Variants in MDFIC2 observed in about 807,000 individuals in gnomAD.
MDFIC2 encodes myoD family inhibitor domain-containing protein 2.
At chr3:70,255,271 A>G (rs1354777228) in intron 2 of MDFIC2, among the ~76,000 whole-genome samples, 1 of 152,220 alleles carries the variant, frequency 6.6e-6, no homozygotes, top group East Asian at 1.9e-4. Context: ...AAATTTTTGT[A>G]AAACAAAACT....
intron 2 of MDFIC2, among the ~76,000 whole-genome samples, chr3:70,251,673 C>T (rs1231099783): frequency 3.9e-5 from 6 of 152,064 alleles, no homozygotes; most frequent in African/African-American, 1.2e-4. Context: ...ATAATATTGC[C>T]ATTACTTTTA....
At chr3:70,259,563 C>G (rs1433322662) in intron 2 of MDFIC2, among the ~76,000 whole-genome samples, 1 of 152,080 alleles carries the variant, frequency 6.6e-6, no homozygotes, top group Non-Finnish European at 1.5e-5. Context: ...TGGATTACCC[C>G]TCTGTGAAAT....
At chr3:70,268,333 G>A (rs1575611008) in intron 2 of MDFIC2, among the ~76,000 whole-genome samples, 1 of 152,098 alleles carries the variant, frequency 6.6e-6, no homozygotes, top group African/African-American at 2.4e-5. Context: ...AAATTAGCCA[G>A]GCGTGGTTGT....
chr3:70,312,074 T>C, intron 1 of MDFIC2, 101 bp from the exon 2 acceptor site: 1 of 392,704 alleles, frequency 2.5e-6, no homozygotes, highest in Non-Finnish European at 4.5e-6. Context: ...TATGGGAAAA[T>C]TTTATCTCTA....
At position 70,293,639 on chromosome 3, in the gene MDFIC2, AT is replaced by A. The variant is rs113329006; in HGVS notation, c.88+18246del. 1.6e-4 allele frequency among the ~76,000 whole-genome samples: 25 copies of A among 152,186 alleles called. 1 individual carries two copies. Among genetic ancestry groups the A allele is most frequent in the African/African-American group, 5.5e-4 (23 of 41,544 alleles). Reference sequence around the variant, plus strand: ...CTTGGTTTTTGCCACCAAATAAGACATTTTTTTGTAGGCCTGTTCCTTTCCT... The same window carrying A: ...CTTGGTTTTTGCCACCAAATAAGACATTTTTTGTAGGCCTGTTCCTTTCCT... On this transcript the variant is annotated intron_variant, in intron 2 of 3. Coordinates refer to ENST00000567252, the MANE Select transcript of MDFIC2 (RefSeq NM_001364677.1).
At chr3:70,265,895 C>T (rs537409801) in intron 2 of MDFIC2, among the ~76,000 whole-genome samples, 5 of 152,250 alleles carry the variant, frequency 3.3e-5, no homozygotes, top group East Asian at 1.9e-4. Context: ...CTCCCTGTCA[C>T]GAGAACGGCA....
At position 70,215,691 on chromosome 3, in the gene MDFIC2, GT is replaced by G. The variant is rs200336321; in HGVS notation, c.89-8902del. On this transcript the variant is annotated intron_variant, in intron 2 of 3. Transcript: ENST00000567252. ...TGGATGTATTTCTCCTCTCCTTTCT[GT>G]TGTGAACTCCTTGAGGAAATACATA... Among the ~76,000 whole-genome samples, 3 of 152,060 alleles carry G rather than the reference GT, an allele frequency of 2.0e-5. No homozygotes were observed. The East Asian group carries it at 5.8e-4, about 29-fold the overall frequency.
chr3:70,216,256 AGATT>A (rs1440295746), intron 2 of MDFIC2, among the ~76,000 whole-genome samples: 4 of 150,370 alleles, frequency 2.7e-5, no homozygotes, highest in African/African-American at 9.7e-5. Context: ...CAACATAATT[AGATT>A]AATAACAAAT....
Position 70,232,442 on chromosome 3 carries a change from G to A in MDFIC2, c.89-25652C>T, listed in dbSNP as rs551012419. Among the ~76,000 whole-genome samples the A allele has an allele frequency of 2.3e-4, 34 of 150,448 alleles. No individual in the cohort carries two copies. The South Asian group carries it at 5.3e-3, about 23-fold the overall frequency. ...TCTTGCGATGGAGTCTCGCTCTGTC[G>A]CCAGGCTGGAGTGCAGTGGCAATCT... On this transcript the variant is annotated intron_variant, in intron 2 of 3. Transcript: ENST00000567252.
chr3:70,200,712 C>G (rs1011992709), intron 3 of MDFIC2, among the ~76,000 whole-genome samples: 1 of 152,154 alleles, frequency 6.6e-6, no homozygotes, highest in African/African-American at 2.4e-5. Context: ...AAAGCCATAT[C>G]TCTCTCTCTG....
At chr3:70,290,187 G>T (rs1702218312) in intron 2 of MDFIC2, among the ~76,000 whole-genome samples, 4 of 152,108 alleles carry the variant, frequency 2.6e-5, no homozygotes, top group Admixed American at 2.6e-4. Context: ...CCATCTTTGT[G>T]GTTTTATCTA....
chr3:70,245,076 AGAG>A (rs762951303), intron 2 of MDFIC2, among the ~76,000 whole-genome samples: 8 of 152,170 alleles, frequency 5.3e-5, no homozygotes, highest in Non-Finnish European at 7.4e-5. Context: ...TTCATTTTGA[AGAG>A]GAGAAGTCAT....
rs1450705349 is a variant in MDFIC2, at chr3:70,289,484, C to A, written c.88+22402G>T. Among the ~76,000 whole-genome samples, 7 of 149,472 alleles carry A rather than the reference C, an allele frequency of 4.7e-5. No homozygotes were observed. The East Asian group carries it at 1.4e-3, about 30-fold the overall frequency. On this transcript the variant is annotated intron_variant, in intron 2 of 3. Transcript: ENST00000567252. ...GTAACCCAACCTTTCTCTCTGGCTG[C>A]CCTTAACATTTTTTCCTTCATTTCA...
chr3:70,258,131 A>G (rs1701833790), intron 2 of MDFIC2, among the ~76,000 whole-genome samples: 2 of 152,214 alleles, frequency 1.3e-5, no homozygotes, highest in South Asian at 4.1e-4. Flanking sequence ...AGACAAAAAA[A>G]TTAATTTGAA....
chr3:70,293,422 A>G (rs1260091280), intron 2 of MDFIC2, among the ~76,000 whole-genome samples: 3 of 152,164 alleles, frequency 2.0e-5, no homozygotes, highest in Non-Finnish European at 2.9e-5. Context: ...AATATCAGCA[A>G]CAACAGAAAT....
chr3:70,310,592 C>A (rs188518264), intron 2 of MDFIC2, among the ~76,000 whole-genome samples: 1 of 152,080 alleles, frequency 6.6e-6, no homozygotes, highest in Non-Finnish European at 1.5e-5. Context: ...TCTTGATCTC[C>A]TGACCGCAAG....
intron 2 of MDFIC2, among the ~76,000 whole-genome samples, chr3:70,235,410 G>A (rs985678428): frequency 5.9e-5 from 9 of 151,972 alleles, no homozygotes; most frequent in African/African-American, 1.2e-4. Flanking sequence ...ATTGGCTTCC[G>A]TCTCCTCGCA....
chr3:70,263,602 T>C (rs1159602236), intron 2 of MDFIC2, among the ~76,000 whole-genome samples: 2 of 152,186 alleles, frequency 1.3e-5, no homozygotes, highest in Non-Finnish European at 2.9e-5. Flanking sequence ...CCTAGCCTCA[T>C]AGGGTTTCAC....
intron 2 of MDFIC2, among the ~76,000 whole-genome samples, chr3:70,285,986 A>T (rs1702158110): frequency 6.6e-6 from 1 of 151,076 alleles, no homozygotes; most frequent in Non-Finnish European, 1.5e-5. Flanking sequence ...AGGTTGTGAA[A>T]ATTTTCTCCC....
Sources: gnomAD v4.1 joint callset for allele counts (sites outside exome capture counted in the v4.1 genomes callset) on GRCh38, gnomAD v4.1.1 for gene constraint, MANE v1.5 for transcripts, NCBI Gene and HGNC (gene_info 2026-07-23, HGNC 2026-07-21) for gene names.